PLAAT2: variants seen among roughly 807,000 people sequenced by gnomAD.
PLAAT2 encodes HRAS like suppressor 2.
Under a neutral mutation model 12.8 loss-of-function variants are expected in PLAAT2, and 12 were observed. The observed-to-expected ratio is 0.94, with a 90% CI of 0.60 to 1.52. The LOEUF (loss-of-function observed/expected upper bound fraction) is 1.52. Ranked by LOEUF, PLAAT2 falls within the 40% of genes most tolerant of loss-of-function variation. PLAAT2 has a pLI of 0.00. For missense variants in PLAAT2, 166 were observed against 208.1 expected (o/e 0.80, Z 1.24); for synonymous variants, 79 against 86.8 (o/e 0.91, Z 0.50).
At chr11:63,561,724 C>T (rs2017520957) in intron 1 of PLAAT2, among the ~76,000 whole-genome samples, 1 of 146,148 alleles carries the variant, frequency 6.8e-6, no homozygotes, top group South Asian at 2.2e-4. Context: ...ACACCAAAAT[C>T]TCAGACATCA....
At chr11:63,558,332 C>T (rs2017486091) in intron 3 of PLAAT2, 60 bp downstream of exon 3, 2 of 1,587,616 alleles carry the variant, frequency 1.3e-6, no homozygotes, top group South Asian at 2.3e-5. Context: ...AGGGACCCAG[C>T]CTCTGGCAGC....
intron 3 of PLAAT2, 36 bp from the exon 4 acceptor site, chr11:63,553,101 C>T: frequency 1.5e-6 from 2 of 1,360,914 alleles, no homozygotes; most frequent in South Asian, 2.3e-5. Flanking sequence ...CACTCAGCAT[C>T]AGGGCGGGAC....
intron 3 of PLAAT2, 82 bp from the exon 4 acceptor site, chr11:63,553,147 A>G: frequency 2.4e-6 from 2 of 827,090 alleles, no homozygotes; most frequent in Non-Finnish European, 4.0e-6. Flanking sequence ...AGCTCAGGAA[A>G]GACTCATCTG....
intron 1 of PLAAT2, among the ~76,000 whole-genome samples, chr11:63,563,115 G>A (rs2017532903): frequency 6.6e-6 from 1 of 152,202 alleles, no homozygotes; most frequent in Non-Finnish European, 1.5e-5. Context: ...TGCGGCAGCT[G>A]AGGCTGGGGA....
At chr11:63,557,264 GCTCACACCTGTAATCCCAAGGGA>G (rs2017474534) in intron 3 of PLAAT2, among the ~76,000 whole-genome samples, 1 of 152,126 alleles carries the variant, frequency 6.6e-6, no homozygotes, top group Non-Finnish European at 1.5e-5. Flanking sequence ...GAGTGTGGTG[GCTCACACCTGTAATCCCAAGGGA>G]GGCCGAGTCA....
chr11:63,561,054 T>A (rs2017513864), intron 1 of PLAAT2, among the ~76,000 whole-genome samples: 1 of 152,168 alleles, frequency 6.6e-6, no homozygotes, highest in South Asian at 2.1e-4. Flanking sequence ...CTCCTCCCCC[T>A]ATCTCAGCTG....
chr11:63,560,787 G>A (rs1425435240), intron 1 of PLAAT2, among the ~76,000 whole-genome samples: 1 of 152,242 alleles, frequency 6.6e-6, no homozygotes, highest in East Asian at 1.9e-4. Flanking sequence ...GGAATGAAGG[G>A]TAGGGCTGAA....
chr11:63,564,457 T>TAAAC (rs926389964), upstream of PLAAT2, among the ~76,000 whole-genome samples: 3 of 152,200 alleles, frequency 2.0e-5, no homozygotes, highest in East Asian at 3.9e-4. Flanking sequence ...CTTCAGGCTA[T>TAAAC]AAACAAACAA....
intron 3 of PLAAT2, 135 bp from the exon 4 acceptor site, chr11:63,553,200 G>C (rs1054243794): frequency 2.2e-5 from 13 of 602,446 alleles, no homozygotes; most frequent in Non-Finnish European, 2.9e-5. Flanking sequence ...ACAAATATTG[G>C]CTGGGAGAGG....
At chr11:63,558,875 A>G (rs2017493496) in intron 2 of PLAAT2, among the ~76,000 whole-genome samples, 1 of 152,254 alleles carries the variant, frequency 6.6e-6, no homozygotes, top group African/African-American at 2.4e-5. Flanking sequence ...TAAAGTAAAC[A>G]ACCTGAGCTC....
chr11:63,563,590 G>A (rs1424686861), upstream of PLAAT2, among the ~76,000 whole-genome samples: 1 of 138,446 alleles, frequency 7.2e-6, no homozygotes, highest in Non-Finnish European at 1.5e-5. Flanking sequence ...ATGGTGGTGG[G>A]CACCTGTAGT....
rs761071195 is a variant in PLAAT2, at chr11:63,552,939, T to C, written c.*25A>G. ...AATAATATTCCTCCGTAAGAATTGG[T>C]GGTTGTTGGGACAATTTCTTGGATT... is the stretch of plus-strand genomic sequence containing the variant. On this transcript the variant is annotated 3_prime_UTR_variant, in exon 4 of 4. Transcript: ENST00000255695. The C allele has an allele frequency of 2.7e-6, 4 of 1,473,390 alleles. No homozygotes were observed. The highest frequency in any genetic ancestry group is 3.8e-6 in the Non-Finnish European group (4 of 1,052,142). The allele number at this position is 1,473,390 out of a possible 1,614,324, so 91.3% of individuals were successfully genotyped here. A position where few individuals can be genotyped will look rare whatever the true frequency, so the allele number is the denominator to read the frequency against.
At chr11:63,556,936 G>T (rs1209678348) in intron 3 of PLAAT2, among the ~76,000 whole-genome samples, 1 of 152,168 alleles carries the variant, frequency 6.6e-6, no homozygotes, top group African/African-American at 2.4e-5. Flanking sequence ...ATGAAACTGT[G>T]CATTAACACA....
chr11:63,556,522 C>T (rs954106920), intron 3 of PLAAT2, among the ~76,000 whole-genome samples: 1 of 152,150 alleles, frequency 6.6e-6, no homozygotes, highest in Non-Finnish European at 1.5e-5. Flanking sequence ...CTACCCTCCT[C>T]AGCTCAACAG....
In PLAAT2 at chr11:63,558,616, T is replaced by C; in HGVS notation, c.163A>G (p.Thr55Ala). Residue 55 changes from threonine to alanine, a missense_variant, in exon 3 of 4, where the codon ACC becomes GCC. Thr to Ala is a moderately conservative substitution (Grantham distance 58). Coordinates refer to ENST00000255695, the MANE Select transcript of PLAAT2 (RefSeq NM_017878.2). ...TCCTTCTTCACTATGGCTTTGTTGGTCAGGGCAGACAGGACACTGGCCGCA... is the reference window on the plus strand; with the variant it reads ...TCCTTCTTCACTATGGCTTTGTTGGCCAGGGCAGACAGGACACTGGCCGCA... ...AGAASVLSAL[T>A]NKAIVKKELL... 6.2e-7 allele frequency: 1 copy of C among 1,614,172 alleles called. No homozygotes were observed. The highest frequency in any genetic ancestry group is 8.5e-7 in the Non-Finnish European group (1 of 1,180,028).
intron 3 of PLAAT2, 36 bp downstream of exon 3, chr11:63,558,356 T>G: frequency 6.2e-7 from 1 of 1,606,146 alleles, no homozygotes; most frequent in Non-Finnish European, 8.5e-7. Context: ...GGGAGTGGCC[T>G]GGCTCCTGGG....
chr11:63,558,748 A>T, intron 2 of PLAAT2, 88 bp from the exon 3 acceptor site: 1 of 1,480,784 alleles, frequency 6.8e-7, no homozygotes, highest in Non-Finnish European at 9.3e-7. Flanking sequence ...AGCACCATCA[A>T]GGAGGAGCAG....
At chr11:63,554,973 C>G (rs911003188) in intron 3 of PLAAT2, among the ~76,000 whole-genome samples, 2 of 152,166 alleles carry the variant, frequency 1.3e-5, no homozygotes, top group African/African-American at 4.8e-5. Flanking sequence ...GAGCTCCATT[C>G]CAATTTGTGC....
chr11:63,564,395 A>C, upstream of PLAAT2, among the ~76,000 whole-genome samples: 1 of 151,414 alleles, frequency 6.6e-6, no homozygotes, highest in African/African-American at 2.4e-5. Flanking sequence ...GGCTGGGGGG[A>C]GCTGAGCATC....
Sources: gnomAD v4.1 joint callset for allele counts (sites outside exome capture counted in the v4.1 genomes callset) on GRCh38, gnomAD v4.1.1 for gene constraint, MANE v1.5 for transcripts, NCBI Gene and HGNC (gene_info 2026-07-23, HGNC 2026-07-21) for gene names.